NPFFR2: variants seen among roughly 807,000 people sequenced by gnomAD.
The protein encoded by NPFFR2 is G-protein coupled receptor 74.
A neutral mutation model predicts 13.1 loss-of-function variants in NPFFR2; 15 were observed. The ratio of observed to expected loss-of-function variants is 1.15; its 90% CI spans 0.77 to 1.76. The LOEUF is 1.76. Among genes scored for constraint, NPFFR2 ranks in the 40% most tolerant of loss-of-function variants. The probability of loss-of-function intolerance (pLI) is 0.00; values close to 1 mark genes in which losing one functional copy is unlikely to be tolerated. For synonymous variants in NPFFR2, 190 were observed against 175.7 expected, an observed-to-expected ratio of 1.08 and a Z score of -0.65; for missense variants, 572 against 503.5, an observed-to-expected ratio of 1.14 and a Z score of -1.30.
chr4:72,038,952 T>G lies in NPFFR2; in HGVS notation c.-8+6752T>G, dbSNP rs561799882. Reference sequence around the variant, plus strand: ...GAGATGGAGTCTCTGTCGCCCAGGCTAGAGTGCAGTGGCGCAATCTCGGCT... The same window carrying G: ...GAGATGGAGTCTCTGTCGCCCAGGCGAGAGTGCAGTGGCGCAATCTCGGCT... On this transcript the variant is annotated intron_variant, in intron 1 of 3. Transcript: ENST00000308744. 2.3e-5 allele frequency among the ~76,000 whole-genome samples: 3 copies of G among 128,004 alleles called. No individual in the cohort carries two copies. The East Asian group carries it at 8.9e-4, about 38-fold the overall frequency. The allele number at this position is 128,004 out of a possible 152,430, so 84.0% of individuals were successfully genotyped here.
intron 1 of NPFFR2, among the ~76,000 whole-genome samples, chr4:72,076,181 T>G (rs1453629247): frequency 9.5e-4 from 4 of 4,222 alleles, no homozygotes; most frequent in Admixed American, 4.0e-3. Flanking sequence ...GTTATGGAGT[T>G]TTTTTTTCCA....
At chr4:72,097,044 T>C (rs967781379) in intron 1 of NPFFR2, among the ~76,000 whole-genome samples, 12 of 151,956 alleles carry the variant, frequency 7.9e-5, no homozygotes, top group African/African-American at 2.9e-4. Flanking sequence ...TACTAGATGG[T>C]CCTACATTTT....
At chr4:72,078,125 G>T (rs1012996319) in intron 1 of NPFFR2, among the ~76,000 whole-genome samples, 9 of 151,928 alleles carry the variant, frequency 5.9e-5, no homozygotes, top group African/African-American at 2.2e-4. Flanking sequence ...AGATGCCATG[G>T]GTAATCAGCC....
chr4:72,121,987 G>A (rs1165152069), intron 1 of NPFFR2, among the ~76,000 whole-genome samples: 2 of 152,072 alleles, frequency 1.3e-5, no homozygotes, highest in African/African-American at 2.4e-5. Flanking sequence ...ATCCACTGGT[G>A]TGCTGTATTC....
chr4:72,096,034 C>T (rs1721063393), intron 1 of NPFFR2, among the ~76,000 whole-genome samples: 1 of 152,158 alleles, frequency 6.6e-6, no homozygotes, highest in Non-Finnish European at 1.5e-5. Flanking sequence ...AATCCAGTTT[C>T]TGATATCCCA....
At chr4:72,075,132 G>T (rs1044401285) in intron 1 of NPFFR2, among the ~76,000 whole-genome samples, 2 of 152,126 alleles carry the variant, frequency 1.3e-5, no homozygotes, top group African/African-American at 4.8e-5. Flanking sequence ...TTAATCTAGT[G>T]GGTGCAATCT....
intron 1 of NPFFR2, among the ~76,000 whole-genome samples, chr4:72,073,052 A>G (rs1312242855): frequency 6.6e-6 from 1 of 152,092 alleles, no homozygotes; most frequent in East Asian, 1.9e-4. Context: ...TGATTCAACT[A>G]TATGCCATCT....
At chr4:72,127,165 G>T (rs547357820) in intron 1 of NPFFR2, among the ~76,000 whole-genome samples, 1 of 150,598 alleles carries the variant, frequency 6.6e-6, no homozygotes, top group African/African-American at 2.4e-5. Flanking sequence ...TTCGCTGGGC[G>T]TGGTGGCGGG....
chr4:72,049,847 C>T (rs1011608547), intron 1 of NPFFR2, among the ~76,000 whole-genome samples: 1 of 151,896 alleles, frequency 6.6e-6, no homozygotes, highest in African/African-American at 2.4e-5. Flanking sequence ...GGTTTTTGTT[C>T]CTAGCTCTTG....
At chr4:72,139,297 C>G (rs1189778515) in intron 3 of NPFFR2, among the ~76,000 whole-genome samples, 1 of 152,012 alleles carries the variant, frequency 6.6e-6, no homozygotes, top group Non-Finnish European at 1.5e-5. Context: ...CTTTTGTTGC[C>G]ATTGCTTTTG....
intron 1 of NPFFR2, among the ~76,000 whole-genome samples, chr4:72,107,725 C>T (rs1721455771): frequency 6.6e-6 from 1 of 151,898 alleles, no homozygotes; most frequent in Non-Finnish European, 1.5e-5. Context: ...AAGAACTCCT[C>T]AAAATGTTTT....
chr4:72,073,473 T>C (rs1720325853), intron 1 of NPFFR2, among the ~76,000 whole-genome samples: 1 of 151,998 alleles, frequency 6.6e-6, no homozygotes, highest in Non-Finnish European at 1.5e-5. Flanking sequence ...GACATAAAGA[T>C]CTCAATAAAG....
intron 1 of NPFFR2, among the ~76,000 whole-genome samples, chr4:72,112,175 A>C (rs546922667): frequency 1.8e-4 from 28 of 152,124 alleles, no homozygotes; most frequent in Admixed American, 5.2e-4. Flanking sequence ...TTGAATCTTG[A>C]TTCTCATCAG....
chr4:72,069,885 A>G (rs974590480), intron 1 of NPFFR2, among the ~76,000 whole-genome samples: 3 of 152,134 alleles, frequency 2.0e-5, no homozygotes, highest in Admixed American at 2.0e-4. Flanking sequence ...AAAATTGATC[A>G]TACAAACTGT....
At chr4:72,105,013 G>A (rs1721380264) in intron 1 of NPFFR2, among the ~76,000 whole-genome samples, 1 of 91,450 alleles carries the variant, frequency 1.1e-5, no homozygotes, top group African/African-American at 3.3e-5. Flanking sequence ...AGGAAGTAAC[G>A]ACAATCTAAG....
In NPFFR2 at chr4:72,140,683, G is replaced by A. The variant is rs139856356; in HGVS notation, c.428+2544G>A. On this transcript the variant is annotated intron_variant, in intron 3 of 3. Coordinates refer to ENST00000308744, the MANE Select transcript of NPFFR2 (RefSeq NM_004885.3). Reference sequence around the variant, plus strand: ...TGCCAGTATTTCATTGAGGATTTCCGGATCGATGTTCATCAGGGATATTGG... The same window carrying A: ...TGCCAGTATTTCATTGAGGATTTCCAGATCGATGTTCATCAGGGATATTGG... Among the ~76,000 whole-genome samples, 295 of 152,198 alleles carry A rather than the reference G, an allele frequency of 1.9e-3. 2 individuals are homozygous for A. Among genetic ancestry groups the A allele is most frequent in the Non-Finnish European group, 3.5e-3 (235 of 68,006 alleles).
rs1410933394 is a variant in NPFFR2, at chr4:72,121,470, T to G, written c.-7-7115T>G. Among the ~76,000 whole-genome samples the G allele has an allele frequency of 2.6e-5, 4 of 151,500 alleles. No homozygotes were observed. The South Asian group carries it at 8.4e-4, about 32-fold the overall frequency. On this transcript the variant is annotated intron_variant, in intron 1 of 3. Coordinates refer to ENST00000308744, the MANE Select transcript of NPFFR2 (RefSeq NM_004885.3). Reference sequence around the variant, plus strand: ...ATCATCAGATTCACTGAGGTTGAAATGAAGGAAAAAATCTTAAGGGCAACC... The same window carrying G: ...ATCATCAGATTCACTGAGGTTGAAAGGAAGGAAAAAATCTTAAGGGCAACC...
intron 1 of NPFFR2, among the ~76,000 whole-genome samples, chr4:72,060,553 T>C (rs1428883032): frequency 1.3e-5 from 2 of 152,156 alleles, no homozygotes; most frequent in African/African-American, 4.8e-5. Flanking sequence ...AAGAATATAA[T>C]TTTATTTAAT....
intron 1 of NPFFR2, among the ~76,000 whole-genome samples, chr4:72,108,313 A>G (rs1721473185): frequency 1.3e-5 from 2 of 152,076 alleles, no homozygotes; most frequent in Admixed American, 6.6e-5. Flanking sequence ...CCTAGTAAAT[A>G]TCATTAGTCT....
Sources: gnomAD v4.1 joint callset for allele counts (sites outside exome capture counted in the v4.1 genomes callset) on GRCh38, gnomAD v4.1.1 for gene constraint, MANE v1.5 for transcripts, NCBI Gene and HGNC (gene_info 2026-07-23, HGNC 2026-07-21) for gene names.